RBM38: variants seen among roughly 807,000 people sequenced by gnomAD.
The protein encoded by RBM38 is RNA-binding protein 38.
A neutral mutation model predicts 23.5 loss-of-function variants in RBM38; 11 were observed. The ratio of observed to expected loss-of-function variants is 0.47; its 90% CI spans 0.29 to 0.77. The LOEUF is 0.77. RBM38 is among the 30% of genes least tolerant of loss of function. RBM38 has a pLI of 0.08. For missense variants in RBM38, 330 were observed against 351.9 expected (o/e 0.94, Z 0.50); for synonymous variants, 165 against 166.1 (o/e 0.99, Z 0.05).
intron 3 of RBM38, among the ~76,000 whole-genome samples, chr20:57,399,173 A>G (rs2067303507): frequency 6.6e-6 from 1 of 152,216 alleles, no homozygotes; most frequent in African/African-American, 2.4e-5. Flanking sequence ...AGGGCCCGAC[A>G]GGGTAGCCTC....
In RBM38 at chr20:57,408,820, C is replaced by T. The variant is rs1370484277; in HGVS notation, c.*974C>T. On this transcript the variant is annotated 3_prime_UTR_variant, in exon 4 of 4. Coordinates refer to ENST00000356208, the MANE Select transcript of RBM38 (RefSeq NM_017495.6). ...TGCGACGTTGACACTCCTCTCCCTT[C>T]CCTTCCTCCCCAACTCCCCAAACAC... The T allele has an allele frequency of 1.3e-5, 2 of 152,604 alleles. No homozygotes were observed. The highest frequency in any genetic ancestry group is 4.8e-5 in the African/African-American group (2 of 41,464). The allele number at this position is 152,604 out of a possible 1,614,324, so 9.5% of individuals were successfully genotyped here.
intron 1 of RBM38, chr20:57,392,143 G>C (rs900542185): frequency 6.1e-5 from 15 of 245,214 alleles, no homozygotes; most frequent in African/African-American, 9.4e-5. Flanking sequence ...TGGAGCAGCG[G>C]GGGGTGAGGA....
chr20:57,397,700 G>A (rs754941111), intron 3 of RBM38, among the ~76,000 whole-genome samples: 6 of 152,236 alleles, frequency 3.9e-5, no homozygotes, highest in Non-Finnish European at 7.3e-5. Flanking sequence ...ACAAGCTGGG[G>A]AGAATGTCGA....
intron 3 of RBM38, among the ~76,000 whole-genome samples, chr20:57,400,218 C>T (rs1462701881): frequency 6.6e-6 from 1 of 152,186 alleles, no homozygotes; most frequent in Non-Finnish European, 1.5e-5. Flanking sequence ...GCTTGGGGCT[C>T]TTCCTGCCCT....
intron 3 of RBM38, chr20:57,399,903 T>G: frequency 2.2e-6 from 1 of 456,332 alleles, no homozygotes; most frequent in Non-Finnish European, 4.4e-6. Flanking sequence ...ATGGGCTCAT[T>G]TGCCTTTTTC....
In RBM38 at chr20:57,393,319, C is replaced by T. The variant is rs766148904; in HGVS notation, c.402C>T (p.Ile134=). 1.7e-5 allele frequency: 28 copies of T among 1,613,710 alleles called. No individual in the cohort carries two copies. The South Asian group carries it at 1.9e-4, about 11-fold the overall frequency. The change falls in exon 3 of 4, where the codon ATC becomes ATT. Residue 134 remains isoleucine (I), a synonymous_variant. Coordinates refer to ENST00000356208, the MANE Select transcript of RBM38 (RefSeq NM_017495.6). ...IGVQQLHPTL[I]QRTYGLTPHY... ...TGCAGCAGCTGCACCCCACCTTGAT[C>T]CAGCGGACTTACGGGTGAGTGGACA...
At chr20:57,400,794 TGAG>T (rs1451924780) in intron 3 of RBM38, among the ~76,000 whole-genome samples, 2 of 151,996 alleles carry the variant, frequency 1.3e-5, no homozygotes, top group Admixed American at 1.3e-4. Context: ...CTGCAGAGGA[TGAG>T]GAGGCACAGA....
At chr20:57,393,439 AT>A in intron 3 of RBM38, 106 bp downstream of exon 3, 1 of 1,244,840 alleles carries the variant, frequency 8.0e-7, no homozygotes, top group South Asian at 1.2e-5. Context: ...GTTTTCAGAC[AT>A]TTGATTGCGT....
At chr20:57,402,680 G>A (rs1568811740) in intron 3 of RBM38, among the ~76,000 whole-genome samples, 1 of 152,242 alleles carries the variant, frequency 6.6e-6, no homozygotes, top group East Asian at 1.9e-4. Flanking sequence ...GCGTGCACCC[G>A]CTCCCCATTG....
chr20:57,402,856 T>C (rs1189540233), intron 3 of RBM38, among the ~76,000 whole-genome samples: 1 of 152,246 alleles, frequency 6.6e-6, no homozygotes, highest in Non-Finnish European at 1.5e-5. Context: ...CCACCTGCCT[T>C]CTTTGTGGCC....
In RBM38 at chr20:57,392,679, C is replaced by T; in HGVS notation, c.263C>T (p.Ala88Val). Residue 88 changes from alanine to valine, a missense_variant, in exon 2 of 4, where the codon GCT (alanine) becomes GTT (valine). Around this residue, in one of 3 missense-constraint regions of RBM38, gnomAD observed 227 missense variants for 216.4 expected, o/e 1.05. Transcript: ENST00000356208. Reference sequence around the variant, plus strand: ...GTGACCATGGCCGACCGGGCGGCAGCTGAGAGGGCTTGCAAAGACCCGAAC... The same window carrying T: ...GTGACCATGGCCGACCGGGCGGCAGTTGAGAGGGCTTGCAAAGACCCGAAC... ...GFVTMADRAAAERACKDPNPI... is the reference protein window; with the variant it reads ...GFVTMADRAAVERACKDPNPI... 1.2e-6 allele frequency: 2 copies of T among 1,612,650 alleles called. No individual in the cohort carries two copies. The highest frequency in any genetic ancestry group is 1.7e-6 in the Non-Finnish European group (2 of 1,179,794).
intron 3 of RBM38, among the ~76,000 whole-genome samples, chr20:57,400,507 G>T (rs924697114): frequency 1.3e-5 from 2 of 152,162 alleles, no homozygotes; most frequent in African/African-American, 4.8e-5. Flanking sequence ...TGGGGGTTTG[G>T]TGTTGCCCAG....
intron 3 of RBM38, among the ~76,000 whole-genome samples, chr20:57,405,330 C>T (rs1490532727): frequency 6.6e-6 from 1 of 152,222 alleles, no homozygotes; most frequent in Admixed American, 6.5e-5. Context: ...CGTCACAGCT[C>T]GAGAGTCAGA....
intron 1 of RBM38, among the ~76,000 whole-genome samples, 200 bp downstream of exon 1, chr20:57,392,018 A>ACCACCCCAGGCCCCGGCCCCCG (rs1568804236): frequency 2.1e-4 from 10 of 48,168 alleles, no homozygotes; most frequent in Non-Finnish European, 3.2e-4. Context: ...CCCGGCCCCC[A>ACCACCCCAGGCCCCGGCCCCCG]CCCCCACCCC....
Position 57,391,544 on chromosome 20 carries a change from C to G in RBM38, c.-38C>G. 3 of 839,672 alleles carry G rather than the reference C, an allele frequency of 3.6e-6. No homozygotes were observed. The highest frequency in any genetic ancestry group is 4.4e-6 in the Non-Finnish European group (3 of 683,440). 52.0% of individuals were successfully genotyped at this position (839,672 alleles called of 1,614,324 possible). On this transcript the variant is annotated 5_prime_UTR_variant, in exon 1 of 4. Coordinates refer to ENST00000356208, the MANE Select transcript of RBM38 (RefSeq NM_017495.6). ...CCCGCCGCCCCCCATGAGCGCAGCCCCGCGCGGCCCGGGTCCGTAGGCGGC... is the reference window on the plus strand; with the variant it reads ...CCCGCCGCCCCCCATGAGCGCAGCCGCGCGCGGCCCGGGTCCGTAGGCGGC...
At chr20:57,395,844 C>T (rs1165690351) in intron 3 of RBM38, among the ~76,000 whole-genome samples, 1 of 152,170 alleles carries the variant, frequency 6.6e-6, no homozygotes, top group Non-Finnish European at 1.5e-5. Flanking sequence ...GGAGCACAGC[C>T]GGGCCTGACT....
intron 3 of RBM38, among the ~76,000 whole-genome samples, chr20:57,395,594 T>A (rs2067265910): frequency 6.6e-6 from 1 of 152,206 alleles, no homozygotes; most frequent in Non-Finnish European, 1.5e-5. Context: ...CGCTCTTGGC[T>A]TCCTGGGAGA....
chr20:57,396,635 G>T (rs886127169), intron 3 of RBM38, among the ~76,000 whole-genome samples: 1 of 152,196 alleles, frequency 6.6e-6, no homozygotes, highest in Admixed American at 6.5e-5. Context: ...TGCCTCATAT[G>T]TACATTATAG....
At chr20:57,395,025 G>T (rs2146204218) in intron 3 of RBM38, among the ~76,000 whole-genome samples, 1 of 152,354 alleles carries the variant, frequency 6.6e-6, no homozygotes, top group South Asian at 2.1e-4. Context: ...AGCTGGGTCT[G>T]TCTTGGCAGT....
Sources: allele counts gnomAD v4.1 joint callset (sites outside exome capture counted in the v4.1 genomes callset), GRCh38; gene constraint gnomAD v4.1.1; regional missense constraint gnomAD v4.1.1; transcripts MANE v1.5; gene names NCBI Gene and HGNC (gene_info 2026-07-23, HGNC 2026-07-21).